The following NT5DC1 variants were observed in gnomAD, a reference collection of about 807,000 sequenced individuals.
The protein encoded by NT5DC1 is 5'-nucleotidase domain containing 1.
A neutral mutation model predicts 59.4 loss-of-function variants in NT5DC1; 42 were observed. The observed-to-expected ratio is 0.71, with a 90% CI of 0.55 to 0.92. The LOEUF (loss-of-function observed/expected upper bound fraction) is 0.92. Among genes scored for constraint, NT5DC1 ranks in the 40% least tolerant of loss-of-function variants. The probability of loss-of-function intolerance (pLI) is 0.00; values close to 1 mark genes in which losing one functional copy is unlikely to be tolerated. For synonymous variants in NT5DC1, 172 were observed against 188.1 expected, an observed-to-expected ratio of 0.91 and a Z score of 0.70; for missense variants, 501 against 537.1, an observed-to-expected ratio of 0.93 and a Z score of 0.66.
intron 6 of NT5DC1, among the ~76,000 whole-genome samples, chr6:116,151,089 C>T (rs1780025322): frequency 1.3e-5 from 2 of 151,936 alleles, no homozygotes; most frequent in South Asian, 2.1e-4. Flanking sequence ...TGAATTTGCT[C>T]AGGGATTAGA....
intron 6 of NT5DC1, among the ~76,000 whole-genome samples, chr6:116,124,461 C>T (rs1169731300): frequency 6.6e-6 from 1 of 152,010 alleles, no homozygotes; most frequent in East Asian, 1.9e-4. Context: ...CAGTAATCTT[C>T]AAAGAGTAAC....
At chr6:116,178,088 TGCGCGC>T (rs770350675) in intron 6 of NT5DC1, among the ~76,000 whole-genome samples, 9 of 99,666 alleles carry the variant, frequency 9.0e-5, no homozygotes, top group East Asian at 2.4e-4. Flanking sequence ...TGTGTGTGTG[TGCGCGC>T]GCGCGCGCGT....
intron 6 of NT5DC1, among the ~76,000 whole-genome samples, chr6:116,196,554 C>G (rs368551288): frequency 4.0e-5 from 6 of 151,754 alleles, no homozygotes; most frequent in Admixed American, 3.9e-4. Context: ...GAAAAATACT[C>G]AAACTATTTG....
intron 6 of NT5DC1, among the ~76,000 whole-genome samples, chr6:116,173,255 A>T (rs1780653193): frequency 6.6e-6 from 1 of 152,244 alleles, no homozygotes; most frequent in South Asian, 2.1e-4. Flanking sequence ...CTTGAAATAC[A>T]CATGGAGCTG....
intron 6 of NT5DC1, among the ~76,000 whole-genome samples, chr6:116,217,295 T>G (rs1304390284): frequency 6.6e-6 from 1 of 152,190 alleles, no homozygotes; most frequent in Non-Finnish European, 1.5e-5. Flanking sequence ...ATTAACCAGT[T>G]TTTTTAACAT....
chr6:116,113,944 T>C (rs1778922012), intron 4 of NT5DC1, among the ~76,000 whole-genome samples: 2 of 152,126 alleles, frequency 1.3e-5, no homozygotes. Context: ...TAATGAACCT[T>C]GGGAAGCTTT....
intron 6 of NT5DC1, among the ~76,000 whole-genome samples, chr6:116,153,235 G>C (rs1233015989): frequency 1.3e-5 from 2 of 151,906 alleles, no homozygotes; most frequent in Admixed American, 1.3e-4. Flanking sequence ...AACCTTGTCT[G>C]ATTTTAGCTC....
chr6:116,100,920 C>T lies in NT5DC1; in HGVS notation c.-11C>T. ...GCGGCCGAGGCGCTCCCTGGTGCTCCCCGCGCAGCCATGGCTCAGCACTTC... is the reference window on the plus strand; with the variant it reads ...GCGGCCGAGGCGCTCCCTGGTGCTCTCCGCGCAGCCATGGCTCAGCACTTC... On this transcript the variant is annotated 5_prime_UTR_variant, in exon 1 of 12. Transcript: ENST00000319550. 4 of 1,593,310 alleles carry T rather than the reference C, an allele frequency of 2.5e-6. No homozygotes were observed. The highest frequency in any genetic ancestry group is 3.4e-6 in the Non-Finnish European group (4 of 1,171,812).
chr6:116,246,468 TACACAC>T lies in NT5DC1; in HGVS notation c.*2465_*2470del, dbSNP rs57839520. On this transcript the variant is annotated 3_prime_UTR_variant, in exon 12 of 12. Transcript: ENST00000319550. ...ATTCATATCCAAAAATAACTTTAAA[TACACAC>T]ACACACACACACACACACACTTTTA... 3.7e-4 allele frequency: 55 copies of T among 149,562 alleles called. No homozygotes were observed. The highest frequency in any genetic ancestry group is 6.8e-4 in the Non-Finnish European group (46 of 67,314). The allele number at this position is 149,562 out of a possible 1,614,324, so 9.3% of individuals were successfully genotyped here. A position where few individuals can be genotyped will look rare whatever the true frequency, so the allele number is the denominator to read the frequency against.
intron 6 of NT5DC1, among the ~76,000 whole-genome samples, chr6:116,122,667 G>A (rs189369611): frequency 6.6e-6 from 1 of 152,206 alleles, no homozygotes. Context: ...CATAGTGCCT[G>A]TGATGTGAAA....
intron 6 of NT5DC1, among the ~76,000 whole-genome samples, chr6:116,173,632 C>T (rs1780665872): frequency 6.6e-6 from 1 of 152,092 alleles, no homozygotes; most frequent in Non-Finnish European, 1.5e-5. Flanking sequence ...AGAAAATTTC[C>T]TTGGGCTCCT....
intron 6 of NT5DC1, among the ~76,000 whole-genome samples, chr6:116,141,579 T>C (rs928791446): frequency 1.3e-5 from 2 of 152,088 alleles, no homozygotes; most frequent in African/African-American, 4.8e-5. Context: ...TTTTTTTTGA[T>C]GACCTTCCTT....
Position 116,135,034 on chromosome 6 carries a change from T to C in NT5DC1, c.529+17089T>C, listed in dbSNP as rs1316286172. Among the ~76,000 whole-genome samples, 11 of 152,316 alleles carry C rather than the reference T, an allele frequency of 7.2e-5. No individual in the cohort carries two copies. In the East Asian group the frequency reaches 1.7e-3, roughly 24 times the overall value. ...CTATGCTTCACTTTCCCATTATCTT[T>C]TACTCATCTGTACCCCATTTACTTA... is the stretch of plus-strand genomic sequence containing the variant. On this transcript the variant is annotated intron_variant, in intron 6 of 11. Coordinates refer to ENST00000319550, the MANE Select transcript of NT5DC1 (RefSeq NM_152729.3).
intron 6 of NT5DC1, among the ~76,000 whole-genome samples, chr6:116,155,752 TAAAA>T (rs58270869): frequency 4.4e-5 from 5 of 114,610 alleles, no homozygotes; most frequent in Admixed American, 9.0e-5. Flanking sequence ...TACTTCTCCT[TAAAA>T]AAAAAAAAAA....
rs773221371 is a variant in NT5DC1 at position 116,100,989 on chromosome 6, C to T, written c.59C>T (p.Thr20Ile). Residue 20 changes from threonine to isoleucine, a missense_variant, in exon 1 of 12, where the codon ACT becomes ATT. Transcript: ENST00000319550. ...GTGGTCGGATTCGACCTGGACCACA[C>T]TCTGTGTCGCTACAACCTGCCCGAG... Reference protein sequence around the residue: ...CDVVGFDLDHTLCRYNLPESA... With the variant: ...CDVVGFDLDHILCRYNLPESA... 1.2e-6 allele frequency: 2 copies of T among 1,604,640 alleles called. No individual in the cohort carries two copies. Among genetic ancestry groups the T allele is most frequent in the South Asian group, 2.2e-5 (2 of 90,058 alleles).
chr6:116,242,170 A>T (rs1268961339), intron 11 of NT5DC1, among the ~76,000 whole-genome samples: 1 of 151,694 alleles, frequency 6.6e-6, no homozygotes, highest in Non-Finnish European at 1.5e-5. Context: ...GGAGATCGAG[A>T]CCATCTTGGC....
intron 6 of NT5DC1, among the ~76,000 whole-genome samples, chr6:116,134,732 GAA>G (rs1779547215): frequency 6.6e-6 from 1 of 152,158 alleles, no homozygotes; most frequent in Non-Finnish European, 1.5e-5. Context: ...TTTCACAAAA[GAA>G]AATAACCGTG....
intron 6 of NT5DC1, among the ~76,000 whole-genome samples, chr6:116,215,886 CTG>C (rs368475498): frequency 1.3e-5 from 2 of 152,132 alleles, no homozygotes; most frequent in African/African-American, 4.8e-5. Context: ...TATTTATAGA[CTG>C]TATTCAGCAC....
intron 6 of NT5DC1, among the ~76,000 whole-genome samples, chr6:116,142,528 G>A (rs1779793204): frequency 6.6e-6 from 1 of 151,994 alleles, no homozygotes; most frequent in African/African-American, 2.4e-5. Flanking sequence ...AAATTTGTTA[G>A]CATCTGAAAA....
Sources: gnomAD v4.1 joint callset for allele counts (sites outside exome capture counted in the v4.1 genomes callset) on GRCh38, gnomAD v4.1.1 for gene constraint, MANE v1.5 for transcripts, NCBI Gene and HGNC (gene_info 2026-07-23, HGNC 2026-07-21) for gene names.